The following RELN variants were observed in gnomAD, a reference collection of about 807,000 sequenced individuals.
RELN encodes the protein reelin.
A neutral mutation model predicts 427.6 loss-of-function variants in RELN; 108 were observed. The ratio of observed to expected loss-of-function variants is 0.25; its 90% CI spans 0.22 to 0.30. RELN has a LOEUF of 0.30. RELN is among the 10% of genes least tolerant of loss of function. The pLI is 1.00. For missense variants in RELN, 3,715 were observed against 4,302.8 expected (o/e 0.86, Z 3.82); for synonymous variants, 1,524 against 1,513.4 (o/e 1.01, Z -0.16).
chr7:103,604,320 C>T (rs1831759185), intron 23 of RELN, 26 bp downstream of exon 23: 1 of 1,613,260 alleles, frequency 6.2e-7, no homozygotes, highest in African/African-American at 1.3e-5. Flanking sequence ...AAGCATGGAC[C>T]TCATCGTGCT....
intron 8 of RELN, 81 bp downstream of exon 8, chr7:103,723,059 G>T: frequency 1.2e-6 from 1 of 831,324 alleles, no homozygotes; most frequent in South Asian, 1.4e-5. Flanking sequence ...AAAAGCATCT[G>T]GCATTATAAT....
chr7:103,926,027 T>A (rs1795724652), intron 1 of RELN, among the ~76,000 whole-genome samples: 1 of 150,920 alleles, frequency 6.6e-6, no homozygotes, highest in Admixed American at 6.6e-5. Flanking sequence ...TGAACTCACG[T>A]AACAAATAAC....
At chr7:103,564,906 G>A (rs113379137) in intron 34 of RELN, among the ~76,000 whole-genome samples, 2 of 152,178 alleles carry the variant, frequency 1.3e-5, no homozygotes, top group African/African-American at 4.8e-5. Context: ...TGTTCATACT[G>A]TGGTACTGAG....
chr7:103,489,517 A>C (rs2116998049), intron 60 of RELN, among the ~76,000 whole-genome samples: 1 of 152,304 alleles, frequency 6.6e-6, no homozygotes, highest in Non-Finnish European at 1.5e-5. Context: ...GAATGTCTGG[A>C]GTAGATTTCA....
At chr7:103,974,467 A>C (rs1796830266) in intron 1 of RELN, among the ~76,000 whole-genome samples, 1 of 110,350 alleles carries the variant, frequency 9.1e-6, no homozygotes, top group African/African-American at 4.1e-5. Context: ...TAAATATGTT[A>C]TGGATAGAGT....
intron 3 of RELN, among the ~76,000 whole-genome samples, chr7:103,819,721 A>G (rs1455935162): frequency 1.3e-5 from 2 of 152,110 alleles, no homozygotes; most frequent in Admixed American, 1.3e-4. Flanking sequence ...ATTTCAAAAA[A>G]TATTTCAAAT....
chr7:103,916,010 T>C (rs1795474429), intron 2 of RELN, among the ~76,000 whole-genome samples: 1 of 152,190 alleles, frequency 6.6e-6, no homozygotes, highest in Non-Finnish European at 1.5e-5. Context: ...CTGTGAAATC[T>C]AACCTGGGAT....
chr7:103,515,176 A>C lies in RELN; in HGVS notation c.8119+9T>G, dbSNP rs1222397596. ...CTGGGCTTTTTATTTAGCGCTGTGCATAATTTACCTGAAGTTTTGTCTTCC... is the reference window on the plus strand; with the variant it reads ...CTGGGCTTTTTATTTAGCGCTGTGCCTAATTTACCTGAAGTTTTGTCTTCC... On this transcript the variant is annotated intron_variant, in intron 50 of 64. Coordinates refer to ENST00000428762, the MANE Select transcript of RELN (RefSeq NM_005045.4). The C allele has an allele frequency of 1.9e-6, 3 of 1,614,206 alleles. No individual in the cohort carries two copies. The highest frequency in any genetic ancestry group is 2.5e-6 in the Non-Finnish European group (3 of 1,180,036).
intron 11 of RELN, among the ~76,000 whole-genome samples, chr7:103,664,218 T>C (rs1833207428): frequency 6.6e-6 from 1 of 152,236 alleles, no homozygotes; most frequent in Non-Finnish European, 1.5e-5. Context: ...CATAAACTTT[T>C]GATAGACATT....
At chr7:103,671,737 A>G (rs531106606) in intron 11 of RELN, among the ~76,000 whole-genome samples, 9 of 152,318 alleles carry the variant, frequency 5.9e-5, no homozygotes, top group Non-Finnish European at 8.8e-5. Context: ...TATACTTAGC[A>G]AAAGATAAAC....
At chr7:103,744,916 G>A (rs1013650896) in intron 6 of RELN, among the ~76,000 whole-genome samples, 6 of 152,208 alleles carry the variant, frequency 3.9e-5, no homozygotes, top group African/African-American at 1.4e-4. Context: ...CTCATTTTAT[G>A]AGGCCACTAT....
At chr7:103,978,130 T>G (rs1289952063) in intron 1 of RELN, among the ~76,000 whole-genome samples, 3 of 152,212 alleles carry the variant, frequency 2.0e-5, no homozygotes, top group Non-Finnish European at 4.4e-5. Context: ...GAAGTATATG[T>G]TGTTATTAAC....
At chr7:103,975,615 C>T (rs188660129) in intron 1 of RELN, among the ~76,000 whole-genome samples, 75 of 151,352 alleles carry the variant, frequency 5.0e-4, no homozygotes, top group Admixed American at 2.3e-3. Flanking sequence ...GTGCAATCTC[C>T]GCTCACTGCA....
chr7:103,844,389 G>C (rs896184386), intron 2 of RELN, among the ~76,000 whole-genome samples: 44 of 152,156 alleles, frequency 2.9e-4, no homozygotes, highest in African/African-American at 1.1e-3. Context: ...CTACCCTAAT[G>C]CTCAAAAAAG....
At chr7:103,971,070 C>G (rs1208909803) in intron 1 of RELN, among the ~76,000 whole-genome samples, 1 of 150,372 alleles carries the variant, frequency 6.7e-6, no homozygotes, top group Admixed American at 6.7e-5. Context: ...GAGAATCGCT[C>G]GAACCTGGGA....
chr7:103,727,814 T>G (rs1412426033), intron 7 of RELN, among the ~76,000 whole-genome samples: 1 of 152,174 alleles, frequency 6.6e-6, no homozygotes, highest in African/African-American at 2.4e-5. Context: ...GGTCATAAAT[T>G]GTTTATTATG....
In RELN at chr7:103,661,524, C is replaced by T; in HGVS notation, c.1293G>A (p.Trp431Ter). 1 of 1,610,400 alleles carries T rather than the reference C, an allele frequency of 6.2e-7. No individual in the cohort carries two copies. The highest frequency in any genetic ancestry group is 1.1e-5 in the South Asian group (1 of 90,656). ...SEEFESQPTG[W>*]DVLGAVIGTE... is the part of the protein sequence containing the mutation. ...TACCAATGACAGCTCCCAAGACATC[C>T]CATCTAAAAAAAAAGGGGGATTAAG... is the stretch of plus-strand genomic sequence containing the variant. The change falls in exon 12 of 65, where the codon TGG becomes TGA. Residue 431 changes from tryptophan (W) to a stop codon, truncating the protein, a stop_gained. Transcript: ENST00000428762. LOFTEE classifies it high-confidence loss of function.
At chr7:103,783,995 C>T (rs1021020923) in intron 3 of RELN, among the ~76,000 whole-genome samples, 8 of 152,088 alleles carry the variant, frequency 5.3e-5, no homozygotes, top group Admixed American at 6.6e-5. Flanking sequence ...GAGAAGGAGA[C>T]ATTTATCATT....
At chr7:103,479,406 A>G (rs1331706629) in intron 63 of RELN, among the ~76,000 whole-genome samples, 1 of 152,234 alleles carries the variant, frequency 6.6e-6, no homozygotes, top group Non-Finnish European at 1.5e-5. Context: ...ATGCCACATC[A>G]TTCAGACTTT....
Sources: gnomAD v4.1 joint callset for allele counts (sites outside exome capture counted in the v4.1 genomes callset) on GRCh38, gnomAD v4.1.1 for gene constraint, MANE v1.5 for transcripts, NCBI Gene and HGNC (gene_info 2026-07-23, HGNC 2026-07-21) for gene names.